RSPO2: variants seen among roughly 807,000 people sequenced by gnomAD.
RSPO2 encodes the protein R-spondin 2.
In RSPO2, 14 loss-of-function variants were observed where a neutral mutation model predicts 30.9. The observed-to-expected ratio is 0.45, with a 90% CI of 0.30 to 0.71. The LOEUF is 0.71. RSPO2 is among the 30% of genes least tolerant of loss of function. RSPO2 has a pLI of 0.08. For synonymous variants in RSPO2, 107 were observed against 96.4 expected (o/e 1.11, Z -0.64); for missense variants, 264 against 301.9 (o/e 0.87, Z 0.93).
At chr8:107,972,771 A>G (rs1236479037) in intron 3 of RSPO2, among the ~76,000 whole-genome samples, 1 of 152,160 alleles carries the variant, frequency 6.6e-6, no homozygotes, top group African/African-American at 2.4e-5. Context: ...CCAAGTTACT[A>G]GGATGCTATT....
chr8:107,966,461 A>G (rs1813809919), intron 3 of RSPO2, among the ~76,000 whole-genome samples: 1 of 152,230 alleles, frequency 6.6e-6, no homozygotes, highest in African/African-American at 2.4e-5. Context: ...CGAGCTGGAG[A>G]GTGAACGTTT....
At chr8:108,003,693 G>A (rs965441830) in intron 2 of RSPO2, among the ~76,000 whole-genome samples, 1 of 151,944 alleles carries the variant, frequency 6.6e-6, no homozygotes, top group African/African-American at 2.4e-5. Flanking sequence ...AATTAACCCC[G>A]GGGAACATGC....
At chr8:107,962,697 TA>T (rs1347138308) in intron 3 of RSPO2, among the ~76,000 whole-genome samples, 1 of 151,784 alleles carries the variant, frequency 6.6e-6, no homozygotes, top group Non-Finnish European at 1.5e-5. Flanking sequence ...TATATTTTTT[TA>T]AAAAACAAGC....
chr8:107,990,000 A>G (rs1335628503), intron 2 of RSPO2, among the ~76,000 whole-genome samples: 2 of 152,164 alleles, frequency 1.3e-5, no homozygotes, highest in African/African-American at 2.4e-5. Flanking sequence ...CTTCACACCT[A>G]AAAAACCAGA....
chr8:107,999,459 A>G (rs1815152210), intron 2 of RSPO2, among the ~76,000 whole-genome samples: 4 of 152,088 alleles, frequency 2.6e-5, no homozygotes, highest in African/African-American at 9.7e-5. Flanking sequence ...TTTTGAGACA[A>G]AGTCTTACTG....
chr8:108,067,622 A>T (rs1392512684), intron 2 of RSPO2, among the ~76,000 whole-genome samples: 1 of 152,270 alleles, frequency 6.6e-6, no homozygotes, highest in Non-Finnish European at 1.5e-5. Context: ...ACACACAAGC[A>T]TGAATAGATC....
chr8:108,030,004 CA>C (rs1207963103), intron 2 of RSPO2, among the ~76,000 whole-genome samples: 1 of 149,206 alleles, frequency 6.7e-6, no homozygotes, highest in Non-Finnish European at 1.5e-5. Context: ...AGAGTTCAAA[CA>C]TTTTTTTTAA....
At chr8:107,995,951 A>G (rs1815005909) in intron 2 of RSPO2, among the ~76,000 whole-genome samples, 1 of 152,130 alleles carries the variant, frequency 6.6e-6, no homozygotes. Flanking sequence ...TCATTTTTGC[A>G]TAGCTGACCA....
rs151174989 is a variant in RSPO2, at chr8:107,948,447, C to G, written c.616+9633G>C. ...ATTTACTCAAAATCTCCTTGGTTCT[C>G]TCATAACAAATAGCTTTGACACAGA... On this transcript the variant is annotated intron_variant, in intron 5 of 5. Transcript: ENST00000276659. Among the ~76,000 whole-genome samples the G allele has an allele frequency of 1.1e-4, 17 of 152,276 alleles. No individual in the cohort carries two copies. The East Asian group carries it at 3.3e-3, about 29-fold the overall frequency.
Position 108,058,535 on chromosome 8 carries a change from G to C in RSPO2, c.94+24010C>G, listed in dbSNP as rs555238211. Among the ~76,000 whole-genome samples, 8 of 152,162 alleles carry C rather than the reference G, an allele frequency of 5.3e-5. No homozygotes were observed. In the South Asian group the frequency reaches 1.5e-3, roughly 28 times the overall value. The stretch of plus-strand genomic sequence containing the variant: ...ATGGAACCAAAAAAGAGCCTGCATC[G>C]CCAAGTCAATCCTAAGCCAAAAGAA... On this transcript the variant is annotated intron_variant, in intron 2 of 5. Coordinates refer to ENST00000276659, the MANE Select transcript of RSPO2 (RefSeq NM_178565.5).
At chr8:107,929,560 C>T (rs974359249) in intron 5 of RSPO2, among the ~76,000 whole-genome samples, 11 of 152,148 alleles carry the variant, frequency 7.2e-5, no homozygotes, top group African/African-American at 2.7e-4. Flanking sequence ...GGACAGAGAA[C>T]TTTTTCAATA....
At chr8:107,978,182 C>T (rs1051048183) in intron 3 of RSPO2, among the ~76,000 whole-genome samples, 3 of 152,122 alleles carry the variant, frequency 2.0e-5, no homozygotes, top group African/African-American at 7.2e-5. Context: ...AATCCCAGCA[C>T]TTTGGGAAGC....
At chr8:107,983,541 A>G (rs4035019) in intron 3 of RSPO2, 33 of 1,599,588 alleles carry the variant, frequency 2.1e-5, no homozygotes, top group Non-Finnish European at 2.6e-5. Context: ...ACACACTACT[A>G]TATTTACTTC....
At chr8:107,906,358 T>TATTTTATATTTTTAGTAATAGC (rs149465704) in intron 5 of RSPO2, among the ~76,000 whole-genome samples, 99,483 of 149,524 alleles carry the variant, frequency 0.67, 35,057 homozygotes, top group East Asian at 0.91. Flanking sequence ...TTATATTTTA[T>TATTTTATATTTTTAGTAATAGC]ATTTTATATT....
chr8:107,902,446 C>A (rs1040158853), intron 5 of RSPO2, among the ~76,000 whole-genome samples: 4 of 152,008 alleles, frequency 2.6e-5, no homozygotes, highest in Non-Finnish European at 5.9e-5. Context: ...ATTACATAAC[C>A]CAGACCCTTT....
chr8:107,931,152 C>T (rs928600356), intron 5 of RSPO2, among the ~76,000 whole-genome samples: 5 of 152,142 alleles, frequency 3.3e-5, no homozygotes, highest in African/African-American at 1.2e-4. Flanking sequence ...TTAGTAAATT[C>T]TTATTAATCT....
intron 5 of RSPO2, among the ~76,000 whole-genome samples, chr8:107,906,793 CAAAT>C (rs1328666176): frequency 2.0e-5 from 3 of 151,806 alleles, no homozygotes; most frequent in Non-Finnish European, 2.9e-5. Flanking sequence ...TTTTAGTTGA[CAAAT>C]AAAAATTGTA....
intron 2 of RSPO2, among the ~76,000 whole-genome samples, chr8:108,035,520 G>A (rs1322870776): frequency 6.6e-6 from 1 of 152,118 alleles, no homozygotes; most frequent in Admixed American, 6.5e-5. Flanking sequence ...GCGCAGGCTG[G>A]AGTGCAGTGG....
chr8:107,916,449 C>T lies in RSPO2; in HGVS notation c.617-15259G>A, dbSNP rs938720712. 7.2e-5 allele frequency among the ~76,000 whole-genome samples: 11 copies of T among 152,074 alleles called. 1 individual carries two copies. Among genetic ancestry groups the T allele is most frequent in the South Asian group, 4.1e-4 (2 of 4,820 alleles). On this transcript the variant is annotated intron_variant, in intron 5 of 5. Transcript: ENST00000276659. ...AATCACTTACTTGTCAGGTTTTCAC[C>T]GAAAATAAAGGTTGCTAACAGTTAA...
Sources: allele counts gnomAD v4.1 joint callset (sites outside exome capture counted in the v4.1 genomes callset), GRCh38; gene constraint gnomAD v4.1.1; transcripts MANE v1.5; gene names NCBI Gene and HGNC (gene_info 2026-07-23, HGNC 2026-07-21).